The following KCNQ1 variants were observed in gnomAD, a reference collection of about 807,000 sequenced individuals.
KCNQ1 encodes the protein potassium voltage-gated channel subfamily Q member 1.
A neutral mutation model predicts 72.4 loss-of-function variants in KCNQ1; 49 were observed. The observed-to-expected ratio is 0.68, with a 90% confidence interval of 0.54 to 0.86. KCNQ1 has a LOEUF of 0.86. Ranked by LOEUF, KCNQ1 falls within the 40% of genes least tolerant of loss-of-function variation. The pLI is 0.00. For synonymous variants in KCNQ1, 450 were observed against 412.6 expected, an observed-to-expected ratio of 1.09 and a Z score of -1.10; for missense variants, 790 against 945.1, an observed-to-expected ratio of 0.84 and a Z score of 2.15.
chr11:2,611,471 C>G lies in KCNQ1; in HGVS notation c.1393+22617C>G. The G allele has an allele frequency of 2.5e-6, 1 of 398,062 alleles. No individual in the cohort carries two copies. The highest frequency in any genetic ancestry group is 1.4e-4 in the South Asian group (1 of 7,320). The allele number at this position is 398,062 out of a possible 1,614,324, so 24.7% of individuals were successfully genotyped here. On this transcript the variant is annotated intron_variant, in intron 10 of 15. Transcript: ENST00000155840. The surrounding 1 kb of genome is among the most constrained non-coding windows in gnomAD (Gnocchi z 5.3). ...GAGTGATCTGTCTGCCTCAGCCTCC[C>G]AAAATGCTGGGATTACAGGTGTGAG...
intron 12 of KCNQ1, 125 bp from the exon 13 acceptor site, chr11:2,775,835 A>G: frequency 4.5e-6 from 4 of 898,446 alleles, no homozygotes; most frequent in Non-Finnish European, 7.2e-6. Flanking sequence ...TTATGCCATC[A>G]CCACATAGGC....
intron 2 of KCNQ1, among the ~76,000 whole-genome samples, chr11:2,531,482 G>T (rs1564808310): frequency 1.3e-5 from 2 of 152,134 alleles, no homozygotes; most frequent in Non-Finnish European, 2.9e-5. Flanking sequence ...GCTGAGCTGT[G>T]CCCCCAGGGA....
chr11:2,701,299 T>G (rs965603654), intron 11 of KCNQ1, among the ~76,000 whole-genome samples: 1 of 152,184 alleles, frequency 6.6e-6, no homozygotes, highest in Non-Finnish European at 1.5e-5. Flanking sequence ...TTTCAGGCCT[T>G]CAGCAACGAC....
rs1021696726 is a variant in KCNQ1, at chr11:2,598,648, A to G, written c.1393+9794A>G. 6.6e-6 allele frequency among the ~76,000 whole-genome samples: 1 copy of G among 150,968 alleles called. No homozygotes were observed. The highest frequency in any genetic ancestry group is 1.5e-5 in the Non-Finnish European group (1 of 67,888). On this transcript the variant is annotated intron_variant, in intron 10 of 15. Coordinates refer to ENST00000155840, the MANE Select transcript of KCNQ1 (RefSeq NM_000218.3). The surrounding 1 kb of genome is among the most constrained non-coding windows in gnomAD (Gnocchi z 6.2). ...CCTAATACATCTGCCAAATTCTGAG[A>G]CAGGAAAATTAAATCTTCCTGTACA...
intron 6 of KCNQ1, among the ~76,000 whole-genome samples, chr11:2,577,431 C>T (rs1026542942): frequency 1.3e-5 from 2 of 152,216 alleles, no homozygotes; most frequent in East Asian, 1.9e-4. Context: ...TCCGGCAGGG[C>T]GCTGAGCCTG....
rs993656111 is a variant in KCNQ1 at position 2,450,049 on chromosome 11, G to A, written c.386+4565G>A. 6.6e-5 allele frequency among the ~76,000 whole-genome samples: 10 copies of A among 152,146 alleles called. No homozygotes were observed. The highest frequency in any genetic ancestry group is 1.9e-4 in the African/African-American group (8 of 41,424). ...ACGTCCTGGTCCTGAGCCCCTGCTC[G>A]GCCCTAGGCAGGGCCCCCAGTTCCC... On this transcript the variant is annotated intron_variant, in intron 1 of 15. Coordinates refer to ENST00000155840, the MANE Select transcript of KCNQ1 (RefSeq NM_000218.3). This position sits in a 1 kb window ranked among gnomAD's most constrained non-coding sequence, Gnocchi z 7.9.
chr11:2,475,392 T>G lies in KCNQ1; in HGVS notation c.386+29908T>G, dbSNP rs1846555461. Among the ~76,000 whole-genome samples, 1 of 152,226 alleles carries G rather than the reference T, an allele frequency of 6.6e-6. No individual in the cohort carries two copies. The highest frequency in any genetic ancestry group is 1.5e-5 in the Non-Finnish European group (1 of 68,052). On this transcript the variant is annotated intron_variant, in intron 1 of 15. Coordinates refer to ENST00000155840, the MANE Select transcript of KCNQ1 (RefSeq NM_000218.3). The surrounding 1 kb of genome is among the most constrained non-coding windows in gnomAD (Gnocchi z 5.8). ...CAGCTGTCTCTGCCTTTGGCTGTTG[T>G]GGCTAGAGGCTCCTTCCTGAAAGCC...
At chr11:2,702,896 G>T (rs1391136743) in intron 11 of KCNQ1, among the ~76,000 whole-genome samples, 3 of 152,186 alleles carry the variant, frequency 2.0e-5, no homozygotes, top group Non-Finnish European at 2.9e-5. Flanking sequence ...CACACACGGG[G>T]TGCCGTCAAT....
At position 2,570,761 on chromosome 11, in the gene KCNQ1, C is replaced by T. The variant is rs1443977990; in HGVS notation, c.604+7C>T. Reference sequence around the variant, plus strand: ...AAGCCCATTTCCATCATCGGTGAGTCATGCCTGCCCTGTGGAGGTCACGCC... The same window carrying T: ...AAGCCCATTTCCATCATCGGTGAGTTATGCCTGCCCTGTGGAGGTCACGCC... On this transcript the variant is annotated splice_region_variant and intron_variant, in intron 3 of 15. Transcript: ENST00000155840. The T allele has an allele frequency of 2.5e-6, 4 of 1,609,990 alleles. No homozygotes were observed. The Admixed American group carries it at 5.0e-5, about 20-fold the overall frequency.
chr11:2,702,098 A>T (rs1564864252), intron 11 of KCNQ1, among the ~76,000 whole-genome samples: 1 of 152,310 alleles, frequency 6.6e-6, no homozygotes, highest in East Asian at 1.9e-4. Flanking sequence ...AGGAGGCCAG[A>T]ATCCTCCCCT....
intron 15 of KCNQ1, among the ~76,000 whole-genome samples, chr11:2,804,668 C>T (rs1847337760): frequency 6.6e-6 from 1 of 150,504 alleles, no homozygotes; most frequent in African/African-American, 2.5e-5. Context: ...GGTTGCACTG[C>T]CCAGCGTGAA....
Position 2,678,358 on chromosome 11 carries a change from G to A in KCNQ1, c.1514+16277G>A. ...TAAATCCTTGCTTTATCGGGATTTT[G>A]ACAGAGTAATTAAATCCAATTTGGT... On this transcript the variant is annotated intron_variant, in intron 11 of 15. Transcript: ENST00000155840. This position sits in a 1 kb window ranked among gnomAD's most constrained non-coding sequence, Gnocchi z 4.9. The A allele has an allele frequency of 2.5e-6, 1 of 398,340 alleles. No homozygotes were observed. The highest frequency in any genetic ancestry group is 3.6e-5 in the East Asian group (1 of 28,040). 24.7% of individuals were successfully genotyped at this position (398,340 alleles called of 1,614,324 possible). A position where few individuals can be genotyped will look rare whatever the true frequency, so the allele number is the denominator to read the frequency against.
At chr11:2,733,879 G>A (rs545193598) in intron 11 of KCNQ1, among the ~76,000 whole-genome samples, 6 of 95,110 alleles carry the variant, frequency 6.3e-5, no homozygotes, top group Non-Finnish European at 1.0e-4. Flanking sequence ...CAGGGCCTTC[G>A]CGCCCGCTGT....
intron 10 of KCNQ1, chr11:2,629,902 A>G: frequency 2.5e-6 from 1 of 398,112 alleles, no homozygotes; most frequent in Non-Finnish European, 4.4e-6. Context: ...TTCTGATTTG[A>G]GTGTATTTAT....
chr11:2,470,609 A>T (rs890662348), intron 1 of KCNQ1, among the ~76,000 whole-genome samples: 1 of 151,188 alleles, frequency 6.6e-6, no homozygotes, highest in Non-Finnish European at 1.5e-5. Context: ...GGGTGTGATG[A>T]TACGTATCCA....
chr11:2,647,344 T>G lies in KCNQ1; in HGVS notation c.1394-14617T>G. ...TAAATCCCACTTGATTATGGTGTAT[T>G]ATCTTTTTGATGTGCGATTGGATTC... On this transcript the variant is annotated intron_variant, in intron 10 of 15. Transcript: ENST00000155840. The surrounding 1 kb of genome is among the most constrained non-coding windows in gnomAD (Gnocchi z 4.0). The G allele has an allele frequency of 2.5e-6, 1 of 398,618 alleles. No homozygotes were observed. Among genetic ancestry groups the G allele is most frequent in the Non-Finnish European group, 4.4e-6 (1 of 226,058 alleles). 24.7% of individuals were successfully genotyped at this position (398,618 alleles called of 1,614,324 possible). A position where few individuals can be genotyped will look rare whatever the true frequency, so the allele number is the denominator to read the frequency against.
At position 2,764,157 on chromosome 11, in the gene KCNQ1, A is replaced by G. The variant is rs1174420164; in HGVS notation, c.1515-4687A>G. ...GTATCACATTTCACTATTAAGTATG[A>G]TGTCTGCTTAGGGTTTGGGTTTTTT... is the stretch of plus-strand genomic sequence containing the variant. On this transcript the variant is annotated intron_variant, in intron 11 of 15. Coordinates refer to ENST00000155840, the MANE Select transcript of KCNQ1 (RefSeq NM_000218.3). This position sits in a 1 kb window ranked among gnomAD's most constrained non-coding sequence, Gnocchi z 4.8. Among the ~76,000 whole-genome samples, 1 of 150,968 alleles carries G rather than the reference A, an allele frequency of 6.6e-6. No homozygotes were observed. The highest frequency in any genetic ancestry group is 2.4e-5 in the African/African-American group (1 of 40,962).
intron 1 of KCNQ1, among the ~76,000 whole-genome samples, chr11:2,449,850 A>G (rs1484788039): frequency 6.6e-6 from 1 of 152,104 alleles, no homozygotes; most frequent in Non-Finnish European, 1.5e-5. Flanking sequence ...TGCCAGTGTG[A>G]TCCAGAGCTG....
intron 1 of KCNQ1, among the ~76,000 whole-genome samples, chr11:2,467,224 T>C (rs1184071754): frequency 1.3e-5 from 2 of 152,052 alleles, no homozygotes; most frequent in Non-Finnish European, 2.9e-5. Context: ...TGGGTTTATC[T>C]CCCCATTGCA....
Sources: gnomAD v4.1 joint callset for allele counts (sites outside exome capture counted in the v4.1 genomes callset) on GRCh38, gnomAD v4.1.1 for gene constraint, Gnocchi (gnomAD v3.1) non-coding constraint, MANE v1.5 for transcripts, NCBI Gene and HGNC (gene_info 2026-07-23, HGNC 2026-07-21) for gene names.